The following DPP6 variants were observed in gnomAD, a reference collection of about 807,000 sequenced individuals.
DPP6 encodes A-type potassium channel modulatory protein DPP6.
DPP6 carries 69 observed loss-of-function variants against 122.6 expected under a neutral mutation model. The observed-to-expected ratio is 0.56, with a 90% CI of 0.46 to 0.69. The LOEUF (loss-of-function observed/expected upper bound fraction) is 0.69, where lower values mean the gene tolerates loss of function less well. Ranked by LOEUF, DPP6 falls within the 30% of genes least tolerant of loss-of-function variation. The probability of loss-of-function intolerance (pLI) is 0.00; values close to 1 mark genes in which losing one functional copy is unlikely to be tolerated. For missense variants in DPP6, 928 were observed against 1,116.9 expected (o/e 0.83, Z 2.41); for synonymous variants, 418 against 433.1 (o/e 0.97, Z 0.43).
intron 1 of DPP6, among the ~76,000 whole-genome samples, chr7:153,984,318 A>G (rs986797662): frequency 2.6e-5 from 4 of 152,336 alleles, no homozygotes; most frequent in Middle Eastern, 3.4e-3. Flanking sequence ...CCTTTATTGC[A>G]AACACCTCCT....
chr7:153,971,268 A>G (rs1437435376), intron 1 of DPP6, among the ~76,000 whole-genome samples: 1 of 151,964 alleles, frequency 6.6e-6, no homozygotes, highest in Non-Finnish European at 1.5e-5. Flanking sequence ...TATTTTTGTA[A>G]ATTGACTTTT....
At chr7:154,385,858 G>C (rs1478477621) in intron 1 of DPP6, among the ~76,000 whole-genome samples, 1 of 152,142 alleles carries the variant, frequency 6.6e-6, no homozygotes, top group Non-Finnish European at 1.5e-5. Flanking sequence ...CTGAGGGGTG[G>C]TCTCTGCAGC....
chr7:153,756,423 G>A, the DPP6 span, among the ~76,000 whole-genome samples: 28 of 151,946 alleles, frequency 1.8e-4, no homozygotes, highest in Non-Finnish European at 3.8e-4. Flanking sequence ...CTAGGTTTTG[G>A]CACATTCCAT....
chr7:154,750,006 A>G (rs796754447), intron 8 of DPP6, among the ~76,000 whole-genome samples: 2,311 of 127,358 alleles, frequency 0.018, 20 homozygotes, highest in Non-Finnish European at 0.028. Flanking sequence ...TAGGACGGGA[A>G]AGAGAGGGAT....
chr7:153,966,991 A>C (rs200337652), intron 1 of DPP6, among the ~76,000 whole-genome samples: 1 of 147,622 alleles, frequency 6.8e-6, no homozygotes, highest in African/African-American at 2.7e-5. Flanking sequence ...CACTGAGCCC[A>C]TGGAGGTCAA....
chr7:153,756,568 G>A, the DPP6 span, among the ~76,000 whole-genome samples: 10 of 152,202 alleles, frequency 6.6e-5, no homozygotes, highest in African/African-American at 1.9e-4. Flanking sequence ...CTGTTAGCAA[G>A]GGCATGTCTA....
At chr7:154,808,228 C>G (rs780790836) in intron 16 of DPP6, among the ~76,000 whole-genome samples, 2 of 152,174 alleles carry the variant, frequency 1.3e-5, no homozygotes, top group Non-Finnish European at 2.9e-5. Flanking sequence ...CTAGCCTTTG[C>G]TAGCTACTAG....
At position 154,796,019 on chromosome 7, in the gene DPP6, G is replaced by T. The variant is rs1001379398; in HGVS notation, c.1299+136G>T. ...GGCTCCCCAGGCAGAAACAGACGGC[G>T]TGCCGGCTCCACTCACGGTGCCTCC... is the stretch of plus-strand genomic sequence containing the variant. On this transcript the variant is annotated intron_variant, in intron 12 of 25. Coordinates refer to ENST00000377770, the MANE Select transcript of DPP6 (RefSeq NM_130797.4). The T allele has an allele frequency of 4.4e-6, 6 of 1,372,342 alleles. No homozygotes were observed. In the African/African-American group the frequency reaches 8.8e-5, roughly 20 times the overall value. The allele number at this position is 1,372,342 out of a possible 1,614,324, so 85.0% of individuals were successfully genotyped here. A position where few individuals can be genotyped will look rare whatever the true frequency, so the allele number is the denominator to read the frequency against.
At position 154,445,790 on chromosome 7, in the gene DPP6, AG is replaced by A. The variant is rs1026622595; in HGVS notation, c.244-421del. 5.7e-5 allele frequency among the ~76,000 whole-genome samples: 8 copies of A among 139,444 alleles called. No homozygotes were observed. In the East Asian group the frequency reaches 6.5e-4, roughly 11 times the overall value. The allele number at this position is 139,444 out of a possible 152,430, so 91.5% of individuals were successfully genotyped here. On this transcript the variant is annotated intron_variant, in intron 1 of 25. Coordinates refer to ENST00000377770, the MANE Select transcript of DPP6 (RefSeq NM_130797.4). ...ATCACATGGATGTAAAAAAAAAAAA[AG>A]GGAATGATGACAGAGGACTTGGAGC... is the stretch of plus-strand genomic sequence containing the variant.
At chr7:154,202,460 A>G (rs1799223296) in intron 1 of DPP6, among the ~76,000 whole-genome samples, 3 of 152,158 alleles carry the variant, frequency 2.0e-5, no homozygotes, top group African/African-American at 4.8e-5. Flanking sequence ...AGTAATAATC[A>G]TATATTTTGG....
chr7:154,032,429 A>C (rs1388477352), intron 1 of DPP6, among the ~76,000 whole-genome samples: 1 of 152,104 alleles, frequency 6.6e-6, no homozygotes, highest in Admixed American at 6.5e-5. Flanking sequence ...GGGAGCACTG[A>C]TTTTATTTTA....
At chr7:154,341,482 G>C (rs1809928498) in intron 1 of DPP6, among the ~76,000 whole-genome samples, 1 of 152,020 alleles carries the variant, frequency 6.6e-6, no homozygotes, top group African/African-American at 2.4e-5. Context: ...GTGAGAGACA[G>C]AACAGAGAAA....
Position 154,743,228 on chromosome 7 carries a change from C to T in DPP6, c.883+15341C>T, listed in dbSNP as rs150671610. Among the ~76,000 whole-genome samples the T allele has an allele frequency of 9.1e-4, 139 of 152,210 alleles. 5 individuals are homozygous for T. Among genetic ancestry groups the T allele is most frequent in the Admixed American group, 7.5e-3 (115 of 15,292 alleles). The stretch of plus-strand genomic sequence containing the variant: ...TGCTGGGCCTTTAGATAGAGTACTT[C>T]CTTTTGTTTCAAGGTAGCATTTAAC... On this transcript the variant is annotated intron_variant, in intron 8 of 25. Transcript: ENST00000377770.
At chr7:153,928,637 A>G (rs1256967988) in intron 1 of DPP6, among the ~76,000 whole-genome samples, 1 of 151,882 alleles carries the variant, frequency 6.6e-6, no homozygotes, top group Non-Finnish European at 1.5e-5. Flanking sequence ...TATCAGGGCA[A>G]CAATCCCATT....
intron 1 of DPP6, among the ~76,000 whole-genome samples, chr7:154,081,402 G>A (rs1803999056): frequency 7.3e-6 from 1 of 136,206 alleles, no homozygotes; most frequent in African/African-American, 2.6e-5. Flanking sequence ...CATCCTATTA[G>A]CGTACTTTTG....
chr7:153,872,885 T>C, the DPP6 span, among the ~76,000 whole-genome samples: 3 of 152,238 alleles, frequency 2.0e-5, no homozygotes, highest in African/African-American at 7.2e-5. Flanking sequence ...AATAACCAAC[T>C]ACAATTGAAC....
chr7:154,594,309 CG>C (rs1832965511), intron 5 of DPP6, among the ~76,000 whole-genome samples: 1 of 152,072 alleles, frequency 6.6e-6, no homozygotes, highest in Non-Finnish European at 1.5e-5. Context: ...CGACAGCTCA[CG>C]GGTGTAGGGG....
chr7:154,366,308 T>TA (rs1812184141), intron 1 of DPP6, among the ~76,000 whole-genome samples: 1 of 152,190 alleles, frequency 6.6e-6, no homozygotes, highest in Non-Finnish European at 1.5e-5. Context: ...TAGGATTTAT[T>TA]AAAAAGCGGG....
At chr7:154,545,871 T>C (rs1262973074) in intron 4 of DPP6, among the ~76,000 whole-genome samples, 1 of 152,224 alleles carries the variant, frequency 6.6e-6, no homozygotes, top group Non-Finnish European at 1.5e-5. Flanking sequence ...TCATACTGTA[T>C]AGGCCCTTTT....
Sources: gnomAD v4.1 joint callset for allele counts (sites outside exome capture counted in the v4.1 genomes callset) on GRCh38, gnomAD v4.1.1 for gene constraint, MANE v1.5 for transcripts, NCBI Gene and HGNC (gene_info 2026-07-23, HGNC 2026-07-21) for gene names.